CCT8: variants seen among roughly 807,000 people sequenced by gnomAD.
CCT8 encodes T-complex protein 1 subunit theta.
A neutral mutation model predicts 65.7 loss-of-function variants in CCT8; 10 were observed. The observed-to-expected ratio is 0.15, with a 90% CI of 0.09 to 0.26. The LOEUF is 0.26. CCT8 is among the 10% of genes least tolerant of loss of function. The pLI, the probability that CCT8 is intolerant of heterozygous loss-of-function variation, is 1.00. For missense variants in CCT8, 568 were observed against 669.1 expected, an observed-to-expected ratio of 0.85 and a Z score of 1.67; for synonymous variants, 199 against 221.8, an observed-to-expected ratio of 0.90 and a Z score of 0.92.
chr21:29,070,806 T>C (rs1006157435), intron 1 of CCT8, among the ~76,000 whole-genome samples: 1 of 152,212 alleles, frequency 6.6e-6, no homozygotes, highest in African/African-American at 2.4e-5. Flanking sequence ...GTACTTCAAG[T>C]AGAATACCTT....
Position 29,065,243 on chromosome 21 carries a change from G to A in CCT8, c.625-138C>T, listed in dbSNP as rs930886224. The A allele has an allele frequency of 2.6e-5, 21 of 802,266 alleles. No homozygotes were observed. In the African/African-American group the frequency reaches 2.9e-4, roughly 11 times the overall value. 49.7% of individuals were successfully genotyped at this position (802,266 alleles called of 1,614,324 possible). On this transcript the variant is annotated intron_variant, in intron 6 of 14. Coordinates refer to ENST00000286788, the MANE Select transcript of CCT8 (RefSeq NM_006585.4). ...AAGGCAGTGACTCCTGGGATAAGGG[G>A]TGGAGTGGTGGACATACAGCACACC...
chr21:29,063,158 C>G (rs1009245880), intron 8 of CCT8, among the ~76,000 whole-genome samples, 194 bp downstream of exon 8: 5 of 152,196 alleles, frequency 3.3e-5, no homozygotes, highest in African/African-American at 1.2e-4. Flanking sequence ...ATTGGTTCTT[C>G]AAGCTCTCAG....
intron 13 of CCT8, 128 bp from the exon 14 acceptor site, chr21:29,060,788 A>T: frequency 1.0e-6 from 1 of 976,366 alleles, no homozygotes; most frequent in Non-Finnish European, 1.5e-6. Context: ...TACCTTATAG[A>T]GTCATCCTTT....
At chr21:29,064,630 GCTTAT>G (rs1471544799) in intron 7 of CCT8, among the ~76,000 whole-genome samples, 1 of 151,942 alleles carries the variant, frequency 6.6e-6, no homozygotes, top group Non-Finnish European at 1.5e-5. Flanking sequence ...AATTACATTA[GCTTAT>G]CTTGTTTTAG....
chr21:29,064,478 A>AC (rs1474832244), intron 7 of CCT8, among the ~76,000 whole-genome samples: 2 of 150,062 alleles, frequency 1.3e-5, no homozygotes, highest in African/African-American at 2.4e-5. Context: ...AAATGACCAG[A>AC]CCCCCCTCAT....
chr21:29,061,208 C>A lies in CCT8; in HGVS notation c.1449+45G>T, dbSNP rs1255586429. On this transcript the variant is annotated intron_variant, in intron 13 of 14. Coordinates refer to ENST00000286788, the MANE Select transcript of CCT8 (RefSeq NM_006585.4). ...AAACTCATACTATTTTTAGGTTGTG[C>A]ATTCCCCAAATAAAGCAATTTAAGT... 2.8e-6 allele frequency: 4 copies of A among 1,426,064 alleles called. No individual in the cohort carries two copies. The Admixed American group carries it at 5.2e-5, about 18-fold the overall frequency. 88.3% of individuals were successfully genotyped at this position (1,426,064 alleles called of 1,614,324 possible).
Position 29,062,537 on chromosome 21 carries a change from G to T in CCT8, c.961C>A (p.Leu321Ile). 1 of 1,613,716 alleles carries T rather than the reference G, an allele frequency of 6.2e-7. No homozygotes were observed. Among genetic ancestry groups the T allele is most frequent in the Non-Finnish European group, 8.5e-7 (1 of 1,179,790 alleles). ...MLVRLNSKWDLRRLCKTVGAT... is the reference protein window; with the variant it reads ...MLVRLNSKWDIRRLCKTVGAT... ...CCAACAGTTTTACAAAGTCTTCGGA[G>T]ATCCCATTTTGAGTTTAGCCTTTAA... Residue 321 changes from leucine to isoleucine, a missense_variant, in exon 9 of 15, where the codon CTC becomes ATC. Coordinates refer to ENST00000286788, the MANE Select transcript of CCT8 (RefSeq NM_006585.4).
intron 9 of CCT8, 35 bp from the exon 10 acceptor site, chr21:29,062,450 T>C (rs1416516859): frequency 1.2e-5 from 19 of 1,611,534 alleles, no homozygotes; most frequent in Non-Finnish European, 1.5e-5. Flanking sequence ...AAAAATTCCA[T>C]CTTGTTCAAC....
At chr21:29,058,923 GT>G in intron 14 of CCT8, among the ~76,000 whole-genome samples, 1 of 151,976 alleles carries the variant, frequency 6.6e-6, no homozygotes, top group East Asian at 2.0e-4. Flanking sequence ...TTTATTTTTA[GT>G]TTTTTAAAAG....
At chr21:29,061,212 C>A in intron 13 of CCT8, 41 bp downstream of exon 13, 1 of 1,477,542 alleles carries the variant, frequency 6.8e-7, no homozygotes, top group South Asian at 1.1e-5. Context: ...GTTGTGCATT[C>A]CCCAAATAAA....
chr21:29,067,831 A>G, intron 3 of CCT8, 126 bp from the exon 4 acceptor site: 1 of 559,498 alleles, frequency 1.8e-6, no homozygotes, highest in Non-Finnish European at 2.8e-6. Flanking sequence ...TCACACTGCT[A>G]CACTGCTATA....
intron 1 of CCT8, among the ~76,000 whole-genome samples, chr21:29,072,854 C>T (rs1182463409): frequency 2.6e-5 from 4 of 152,242 alleles, no homozygotes; most frequent in Admixed American, 6.5e-5. Context: ...CCCTCTATCA[C>T]TTATCCTGCA....
chr21:29,064,423 A>T (rs1479266851), intron 7 of CCT8, among the ~76,000 whole-genome samples: 2 of 149,664 alleles, frequency 1.3e-5, no homozygotes, highest in African/African-American at 4.9e-5. Flanking sequence ...AAAAAAAAAA[A>T]AAAAAAAAAA....
Position 29,066,733 on chromosome 21 carries a change from T to G in CCT8, c.607A>C (p.Arg203=). 1.9e-6 allele frequency: 3 copies of G among 1,607,796 alleles called. No individual in the cohort carries two copies. Among genetic ancestry groups the G allele is most frequent in the Non-Finnish European group, 2.5e-6 (3 of 1,176,598 alleles). The change falls in exon 6 of 15, where the codon AGA becomes CGA. Residue 203 remains arginine, a synonymous_variant. Coordinates refer to ENST00000286788, the MANE Select transcript of CCT8 (RefSeq NM_006585.4). Reference sequence around the variant, plus strand: ...CTACTTACCAGAATTTTACAAACTCTGATGTTATCAACATTGAAATGGCCG... The same window carrying G: ...CTACTTACCAGAATTTTACAAACTCGGATGTTATCAACATTGAAATGGCCG... ...DSGHFNVDNI[R]VCKILGSGIS...
At chr21:29,067,123 T>G (rs781209136) in intron 4 of CCT8, 52 bp from the exon 5 acceptor site, 1 of 1,379,348 alleles carries the variant, frequency 7.2e-7, no homozygotes, top group Non-Finnish European at 1.0e-6. Context: ...GTAGCTTATT[T>G]TGGTAACCCA....
rs769317584 is a variant in CCT8, at chr21:29,069,391, A to G, written c.231+32T>C. ...TCTACTTAATTTTGATGTCACCAAA[A>G]TATTTCTTGACTTTTTAAAGAAACA... On this transcript the variant is annotated intron_variant, in intron 3 of 14. Coordinates refer to ENST00000286788, the MANE Select transcript of CCT8 (RefSeq NM_006585.4). 2.6e-5 allele frequency: 34 copies of G among 1,330,302 alleles called. 2 individuals are homozygous for G. In the Middle Eastern group the frequency reaches 1.4e-3, roughly 54 times the overall value. The allele number at this position is 1,330,302 out of a possible 1,614,324, so 82.4% of individuals were successfully genotyped here.
chr21:29,073,342 G>T, intron 1 of CCT8, 189 bp downstream of exon 1: 2 of 1,425,152 alleles, frequency 1.4e-6, no homozygotes, highest in Admixed American at 2.8e-5. Flanking sequence ...GGTCGCGGAA[G>T]AAGAGAAGTG....
At chr21:29,071,988 C>A in intron 1 of CCT8, 1 of 700,540 alleles carries the variant, frequency 1.4e-6, no homozygotes, top group Non-Finnish European at 2.6e-6. Context: ...AGCCCTACAA[C>A]CTGTTGTTGT....
chr21:29,057,799 TAC>T (rs60418575), intron 14 of CCT8, among the ~76,000 whole-genome samples: 8,410 of 149,218 alleles, frequency 0.056, 543 homozygotes, highest in East Asian at 0.16. Flanking sequence ...GTATGATATA[TAC>T]ATATGTATGA....
Sources: gnomAD v4.1 joint callset for allele counts (sites outside exome capture counted in the v4.1 genomes callset) on GRCh38, gnomAD v4.1.1 for gene constraint, MANE v1.5 for transcripts, NCBI Gene and HGNC (gene_info 2026-07-23, HGNC 2026-07-21) for gene names.